The following SLC14A2 variants were observed in gnomAD, a reference collection of about 807,000 sequenced individuals.
SLC14A2 encodes solute carrier family 14 member 2.
In SLC14A2, 91 loss-of-function variants were observed where a neutral mutation model predicts 104.6. That is an observed-to-expected ratio of 0.87 (90% CI 0.73 to 1.04). The LOEUF is 1.04. Among genes scored for constraint, SLC14A2 ranks in the 50% least tolerant of loss-of-function variants. The probability of loss-of-function intolerance (pLI) is 0.00; values close to 1 mark genes in which losing one functional copy is unlikely to be tolerated. For synonymous variants in SLC14A2, 476 were observed against 466.4 expected (o/e 1.02, Z -0.27); for missense variants, 1,189 against 1,156.0 (o/e 1.03, Z -0.41).
At chr18:45,498,686 C>T (rs16978386) in intron 2 of SLC14A2, among the ~76,000 whole-genome samples, 5,515 of 152,242 alleles carry the variant, frequency 0.036, 307 homozygotes, top group African/African-American at 0.12. Context: ...CTCCTTCTCC[C>T]TCAGCTGGTC....
intron 2 of SLC14A2, among the ~76,000 whole-genome samples, chr18:45,557,200 ATAG>A (rs2044144656): frequency 6.6e-6 from 1 of 152,218 alleles, no homozygotes; most frequent in Admixed American, 6.5e-5. Flanking sequence ...TCACAGTTCA[ATAG>A]ACATTTGACT....
chr18:45,450,464 G>A (rs2086840022), intron 1 of SLC14A2, among the ~76,000 whole-genome samples: 1 of 152,206 alleles, frequency 6.6e-6, no homozygotes, highest in African/African-American at 2.4e-5. Flanking sequence ...GGATGGGAGA[G>A]GGGTTATAGG....
At chr18:45,679,932 C>A (rs1486542709) in intron 19 of SLC14A2, among the ~76,000 whole-genome samples, 2 of 152,174 alleles carry the variant, frequency 1.3e-5, no homozygotes, top group African/African-American at 2.4e-5. Flanking sequence ...TCTTCTTCTA[C>A]CCTCAGCCAG....
intron 1 of SLC14A2, among the ~76,000 whole-genome samples, chr18:45,432,697 G>A (rs746004166): frequency 3.9e-5 from 6 of 152,124 alleles, no homozygotes; most frequent in Non-Finnish European, 5.9e-5. Flanking sequence ...GACCTGGACC[G>A]CATCAACCCA....
chr18:45,628,244 G>A (rs1270315567), intron 4 of SLC14A2, among the ~76,000 whole-genome samples: 1 of 151,716 alleles, frequency 6.6e-6, no homozygotes, highest in African/African-American at 2.4e-5. Context: ...AAGAGATTGA[G>A]ACCATTCTGG....
chr18:45,614,220 G>A (rs2045022230), upstream of SLC14A2, among the ~76,000 whole-genome samples: 1 of 152,238 alleles, frequency 6.6e-6, no homozygotes, highest in Non-Finnish European at 1.5e-5. Flanking sequence ...GCCTGCAGGT[G>A]CACAGAAGTC....
chr18:45,238,908 G>T (rs996692679), intron 1 of SLC14A2, among the ~76,000 whole-genome samples: 1 of 151,930 alleles, frequency 6.6e-6, no homozygotes, highest in African/African-American at 2.4e-5. Flanking sequence ...CCAACCTCAA[G>T]GACCTTATAG....
intron 1 of SLC14A2, among the ~76,000 whole-genome samples, chr18:45,390,510 C>T (rs73953176): frequency 7.6e-4 from 116 of 152,226 alleles, no homozygotes; most frequent in African/African-American, 2.6e-3. Flanking sequence ...TCACTGAGCA[C>T]CTAATAAGTA....
Position 45,673,306 on chromosome 18 carries a change from TA to T in SLC14A2, c.2377+260del, listed in dbSNP as rs938572964. Among the ~76,000 whole-genome samples, 2 of 152,232 alleles carry T rather than the reference TA, an allele frequency of 1.3e-5. 1 individual carries two copies. Among genetic ancestry groups the T allele is most frequent in the African/African-American group, 4.8e-5 (2 of 41,464 alleles). ...GTTTGGGGGAAGTTTCTTCCAGGTA[TA>T]TTTACATGTTAAGTGATCTGCAATG... On this transcript the variant is annotated intron_variant, in intron 17 of 19. Transcript: ENST00000255226.
intron 2 of SLC14A2, among the ~76,000 whole-genome samples, chr18:45,569,190 A>G (rs1379084158): frequency 6.6e-6 from 1 of 152,042 alleles, no homozygotes; most frequent in Non-Finnish European, 1.5e-5. Flanking sequence ...CAGAGCTTCA[A>G]TCTTCTATTT....
upstream of SLC14A2, among the ~76,000 whole-genome samples, chr18:45,610,830 C>A (rs931549065): frequency 2.0e-5 from 3 of 152,200 alleles, no homozygotes. Context: ...CCACAGATCA[C>A]CAATGAGGTG....
At chr18:45,190,201 G>T in the SLC14A2 span, among the ~76,000 whole-genome samples, 1 of 152,048 alleles carries the variant, frequency 6.6e-6, no homozygotes, top group African/African-American at 2.4e-5. Context: ...TCTTTAGTAG[G>T]CTAAATATTT....
chr18:45,673,942 A>C, intron 18 of SLC14A2, 125 bp downstream of exon 18: 4 of 996,266 alleles, frequency 4.0e-6, no homozygotes, highest in Non-Finnish European at 5.9e-6. Context: ...CTGAATACTC[A>C]ACGTTCAGTC....
At chr18:45,283,506 C>A (rs142559290) in intron 1 of SLC14A2, among the ~76,000 whole-genome samples, 1,982 of 151,934 alleles carry the variant, frequency 0.013, 25 homozygotes, top group African/African-American at 0.045. Context: ...ACTAATATAT[C>A]ATCATCCAAC....
intron 1 of SLC14A2, among the ~76,000 whole-genome samples, chr18:45,385,001 C>T (rs1005267658): frequency 7.2e-5 from 11 of 152,104 alleles, no homozygotes; most frequent in Admixed American, 3.9e-4. Flanking sequence ...TGAGCTAAAA[C>T]GCAGAAACAA....
At chr18:45,482,794 T>A (rs948628607) in intron 1 of SLC14A2, among the ~76,000 whole-genome samples, 4 of 152,038 alleles carry the variant, frequency 2.6e-5, no homozygotes, top group Non-Finnish European at 5.9e-5. Flanking sequence ...AATGGAGTGA[T>A]CACACAGTTA....
At chr18:45,556,798 G>T (rs1412673087) in intron 2 of SLC14A2, among the ~76,000 whole-genome samples, 3 of 152,190 alleles carry the variant, frequency 2.0e-5, no homozygotes, top group African/African-American at 7.2e-5. Context: ...CAAAAATGAT[G>T]TAGGCAGTCG....
Position 45,366,006 on chromosome 18 carries a change from A to G in SLC14A2, c.-124-117227A>G, listed in dbSNP as rs1047009803. 2.0e-5 allele frequency among the ~76,000 whole-genome samples: 3 copies of G among 152,118 alleles called. No homozygotes were observed. The East Asian group carries it at 5.8e-4, about 29-fold the overall frequency. On this transcript the variant is annotated intron_variant, in intron 1 of 20. Coordinates refer to the SLC14A2 transcript ENST00000586448. Reference sequence around the variant, plus strand: ...AAGCAAAAGGACCAAAAAAAAAAAAAAAATCAACTTCAATAAACTTAGTTT... The same window carrying G: ...AAGCAAAAGGACCAAAAAAAAAAAAGAAATCAACTTCAATAAACTTAGTTT...
chr18:45,227,523 A>G (rs2084131499), intron 1 of SLC14A2, among the ~76,000 whole-genome samples: 1 of 152,218 alleles, frequency 6.6e-6, no homozygotes, highest in South Asian at 2.1e-4. Context: ...AGGGCAAGCT[A>G]GCCAAAAGCA....
Sources: gnomAD v4.1 joint callset for allele counts (sites outside exome capture counted in the v4.1 genomes callset) on GRCh38, gnomAD v4.1.1 for gene constraint, MANE v1.5 for transcripts, NCBI Gene and HGNC (gene_info 2026-07-23, HGNC 2026-07-21) for gene names.